Variants in TMEM117 observed in about 807,000 individuals in gnomAD.
TMEM117 encodes the protein transmembrane protein 117.
TMEM117 carries 27 observed loss-of-function variants against 52.4 expected under a neutral mutation model. The observed-to-expected ratio is 0.51, with a 90% CI of 0.38 to 0.71. The LOEUF (loss-of-function observed/expected upper bound fraction) is 0.71, where lower values mean the gene tolerates loss of function less well. Among genes scored for constraint, TMEM117 ranks in the 30% least tolerant of loss-of-function variants. The pLI is 0.00. For synonymous variants in TMEM117, 215 were observed against 206.3 expected (o/e 1.04, Z -0.36); for missense variants, 556 against 630.5 (o/e 0.88, Z 1.26).
chr12:44,141,409 C>T (rs988710787), intron 3 of TMEM117, among the ~76,000 whole-genome samples: 1 of 152,012 alleles, frequency 6.6e-6, no homozygotes, highest in Non-Finnish European at 1.5e-5. Flanking sequence ...CTGAAAAGCC[C>T]CAGAGTGTGG....
At chr12:43,896,503 C>A (rs760580232) in intron 2 of TMEM117, among the ~76,000 whole-genome samples, 9 of 152,204 alleles carry the variant, frequency 5.9e-5, no homozygotes, top group Non-Finnish European at 7.3e-5. Flanking sequence ...ACTCTGCTGA[C>A]ATTTGGGAAG....
intron 5 of TMEM117, among the ~76,000 whole-genome samples, chr12:44,213,873 T>G (rs1349027813): frequency 6.6e-6 from 1 of 152,162 alleles, no homozygotes; most frequent in African/African-American, 2.4e-5. Context: ...TCTTGGGTAT[T>G]TCTTCACAGC....
At chr12:44,074,662 A>G (rs753066842) in intron 3 of TMEM117, among the ~76,000 whole-genome samples, 1 of 152,172 alleles carries the variant, frequency 6.6e-6, no homozygotes, top group Non-Finnish European at 1.5e-5. Flanking sequence ...CTTTATCATG[A>G]TACAAATGTA....
intron 5 of TMEM117, among the ~76,000 whole-genome samples, chr12:44,241,918 C>T (rs552756359): frequency 6.6e-6 from 1 of 151,876 alleles, no homozygotes; most frequent in Non-Finnish European, 1.5e-5. Context: ...GAGGAATGGT[C>T]CCCATTTATT....
intron 3 of TMEM117, among the ~76,000 whole-genome samples, chr12:44,021,247 C>T (rs1168479262): frequency 1.3e-5 from 2 of 152,112 alleles, no homozygotes; most frequent in African/African-American, 4.8e-5. Flanking sequence ...CTTTTCTGCT[C>T]CTCTTTCTCC....
Position 43,933,224 on chromosome 12 carries a change from C to T in TMEM117, c.278-10986C>T, listed in dbSNP as rs542283679. On this transcript the variant is annotated intron_variant, in intron 2 of 7. Transcript: ENST00000266534. The stretch of plus-strand genomic sequence containing the variant: ...TTAACTTTTTTTTTTTTTTTCGAGA[C>T]GGAGTCTTACTGTCGCCCAGGTTGG... Among the ~76,000 whole-genome samples the T allele has an allele frequency of 1.2e-3, 171 of 147,002 alleles. 1 individual carries two copies. The highest frequency in any genetic ancestry group is 3.7e-3 in the African/African-American group (148 of 39,718).
At chr12:44,238,831 T>G (rs1320905006) in intron 5 of TMEM117, among the ~76,000 whole-genome samples, 1 of 152,216 alleles carries the variant, frequency 6.6e-6, no homozygotes, top group Non-Finnish European at 1.5e-5. Flanking sequence ...TTAAAAATTT[T>G]TATCAACTTA....
chr12:43,851,011 C>G (rs1384663756), intron 2 of TMEM117, among the ~76,000 whole-genome samples: 3 of 152,134 alleles, frequency 2.0e-5, no homozygotes, highest in African/African-American at 7.2e-5. Context: ...ATCAACTAAA[C>G]AGCTTCTTTT....
intron 4 of TMEM117, among the ~76,000 whole-genome samples, chr12:44,175,181 C>T (rs568079416): frequency 6.6e-6 from 1 of 152,146 alleles, no homozygotes; most frequent in African/African-American, 2.4e-5. Context: ...CAAAGAGTTG[C>T]TGCAGAGATT....
intron 2 of TMEM117, among the ~76,000 whole-genome samples, chr12:43,862,029 C>T (rs1011461110): frequency 1.3e-5 from 2 of 152,178 alleles, no homozygotes; most frequent in African/African-American, 4.8e-5. Flanking sequence ...CCAGACCCTC[C>T]AGCTTCTTTT....
chr12:44,210,980 T>G (rs1035372646), intron 4 of TMEM117, among the ~76,000 whole-genome samples: 2 of 152,104 alleles, frequency 1.3e-5, no homozygotes, highest in East Asian at 1.9e-4. Context: ...TAAAAGAATA[T>G]AGTATTTTAT....
chr12:44,378,320 T>C (rs762697040), intron 7 of TMEM117, among the ~76,000 whole-genome samples: 1 of 152,230 alleles, frequency 6.6e-6, no homozygotes, highest in Non-Finnish European at 1.5e-5. Context: ...TTATTTTGTA[T>C]AACTTTATCA....
chr12:43,822,946 T>G, the TMEM117 span, among the ~76,000 whole-genome samples: 1 of 152,126 alleles, frequency 6.6e-6, no homozygotes, highest in Non-Finnish European at 1.5e-5. Context: ...AAAACCTTTT[T>G]CTCTCTTTAA....
At chr12:44,175,035 A>G (rs1363039892) in intron 4 of TMEM117, among the ~76,000 whole-genome samples, 1 of 152,202 alleles carries the variant, frequency 6.6e-6, no homozygotes, top group African/African-American at 2.4e-5. Context: ...AGTGAGGAAA[A>G]GAGCTGGAGC....
intron 6 of TMEM117, among the ~76,000 whole-genome samples, chr12:44,320,389 A>G (rs531661441): frequency 6.6e-6 from 1 of 152,302 alleles, no homozygotes; most frequent in South Asian, 2.1e-4. Flanking sequence ...ATTCCAAAGT[A>G]ATCTTTTTAA....
chr12:44,047,247 T>C (rs1946894677), intron 3 of TMEM117, among the ~76,000 whole-genome samples: 1 of 152,198 alleles, frequency 6.6e-6, no homozygotes, highest in Non-Finnish European at 1.5e-5. Context: ...TATTTTTTGC[T>C]CTCTGCATTC....
intron 3 of TMEM117, among the ~76,000 whole-genome samples, chr12:44,020,144 A>G (rs1487173583): frequency 1.3e-5 from 2 of 152,248 alleles, no homozygotes; most frequent in African/African-American, 2.4e-5. Flanking sequence ...GTCAAATTCA[A>G]TGATCAGGTC....
At chr12:44,287,842 C>T (rs114457770) in intron 5 of TMEM117, among the ~76,000 whole-genome samples, 7,136 of 152,154 alleles carry the variant, frequency 0.047, 346 homozygotes, top group African/African-American at 0.12. Context: ...ATTGAAACTT[C>T]CTGTGATTCA....
chr12:44,081,576 G>C (rs1947482067), intron 3 of TMEM117, among the ~76,000 whole-genome samples: 1 of 152,062 alleles, frequency 6.6e-6, no homozygotes, highest in African/African-American at 2.4e-5. Context: ...GATGGCCTTG[G>C]AATATAAATT....
Sources: gnomAD v4.1 joint callset for allele counts (sites outside exome capture counted in the v4.1 genomes callset) on GRCh38, gnomAD v4.1.1 for gene constraint, MANE v1.5 for transcripts, NCBI Gene and HGNC (gene_info 2026-07-23, HGNC 2026-07-21) for gene names.